Variants in EPHB1 observed in about 807,000 individuals in gnomAD.
EPHB1 encodes EPH receptor B1, also known as ephrin type-B receptor 1.
Under a neutral mutation model 94.4 loss-of-function variants are expected in EPHB1, and 30 were observed. The observed-to-expected ratio is 0.32, with a 90% CI of 0.24 to 0.43. The LOEUF (loss-of-function observed/expected upper bound fraction) is 0.43. Among genes scored for constraint, EPHB1 ranks in the 20% least tolerant of loss-of-function variants. The pLI is 1.00. For synonymous variants in EPHB1, 522 were observed against 489.1 expected (o/e 1.07, Z -0.89); for missense variants, 1,055 against 1,308.3 (o/e 0.81, Z 2.99).
intron 13 of EPHB1, among the ~76,000 whole-genome samples, chr3:135,244,179 A>C (rs1559888884): frequency 6.6e-6 from 1 of 152,138 alleles, no homozygotes; most frequent in African/African-American, 2.4e-5. Flanking sequence ...GAACCTGTGT[A>C]CCTACCATTT....
intron 5 of EPHB1, among the ~76,000 whole-genome samples, chr3:135,147,290 G>C (rs1272486813): frequency 6.6e-6 from 1 of 152,208 alleles, no homozygotes; most frequent in Non-Finnish European, 1.5e-5. Context: ...CTGTTCTAGA[G>C]AGAATAGAAG....
At chr3:134,866,023 T>C (rs2037369705) in intron 1 of EPHB1, among the ~76,000 whole-genome samples, 1 of 152,138 alleles carries the variant, frequency 6.6e-6, no homozygotes, top group Non-Finnish European at 1.5e-5. Flanking sequence ...GGGAAAGGAA[T>C]GGGGGTCACC....
At chr3:135,204,093 A>G (rs1438511461) in intron 12 of EPHB1, among the ~76,000 whole-genome samples, 3 of 152,244 alleles carry the variant, frequency 2.0e-5, no homozygotes, top group Non-Finnish European at 4.4e-5. Flanking sequence ...CATGCAATGC[A>G]TAATAATCAC....
intron 9 of EPHB1, among the ~76,000 whole-genome samples, chr3:135,173,183 C>T (rs926689211): frequency 3.3e-5 from 5 of 151,218 alleles, no homozygotes; most frequent in Admixed American, 1.3e-4. Context: ...TACAGGCGCG[C>T]GCCACTACGC....
Position 135,132,730 on chromosome 3 carries a change from C to T in EPHB1, c.978C>T (p.Pro326=), listed in dbSNP as rs2107687135. ...EVACTSVPSG[P]RNVISIVNET... ...TCCCTGCAGGCGTCCCATCAGGTCC[C>T]CGCAATGTTATCTCCATCGTCAATG... The change falls in exon 5 of 16, where the codon CCC becomes CCT. Residue 326 remains proline, a synonymous_variant. Transcript: ENST00000398015. 1.3e-6 allele frequency: 2 copies of T among 1,595,596 alleles called. No individual in the cohort carries two copies. The highest frequency in any genetic ancestry group is 1.7e-6 in the Non-Finnish European group (2 of 1,167,054).
intron 1 of EPHB1, among the ~76,000 whole-genome samples, chr3:134,823,404 C>T (rs1346630326): frequency 6.6e-6 from 1 of 152,178 alleles, no homozygotes; most frequent in Non-Finnish European, 1.5e-5. Context: ...CTAATGTCTG[C>T]CAGGGGTTGT....
intron 6 of EPHB1, among the ~76,000 whole-genome samples, chr3:135,156,815 G>A (rs1941370465): frequency 6.6e-6 from 1 of 152,216 alleles, no homozygotes; most frequent in Non-Finnish European, 1.5e-5. Flanking sequence ...AGTTAATGAA[G>A]TAAATGTTGA....
rs777130182 is a variant in EPHB1 at position 135,109,108 on chromosome 3, C to T, written c.961+2505C>T. Among the ~76,000 whole-genome samples the T allele has an allele frequency of 4.6e-5, 7 of 152,286 alleles. No individual in the cohort carries two copies. In the South Asian group the frequency reaches 8.3e-4, roughly 18 times the overall value. Reference sequence around the variant, plus strand: ...CTTGCTGTGCTTCTGCTGAAAAAGCCGCTGCCTTCCTCCCTGTAGTGCTCC... The same window carrying T: ...CTTGCTGTGCTTCTGCTGAAAAAGCTGCTGCCTTCCTCCCTGTAGTGCTCC... On this transcript the variant is annotated intron_variant, in intron 4 of 15. Coordinates refer to ENST00000398015, the MANE Select transcript of EPHB1 (RefSeq NM_004441.5).
At chr3:134,797,218 GT>G (rs1451725990) in intron 1 of EPHB1, among the ~76,000 whole-genome samples, 1 of 152,200 alleles carries the variant, frequency 6.6e-6, no homozygotes, top group Non-Finnish European at 1.5e-5. Context: ...GCAAGGAGGG[GT>G]TTGCTTTTTG....
intron 1 of EPHB1, among the ~76,000 whole-genome samples, chr3:134,905,865 G>A (rs2107691886): frequency 6.6e-6 from 1 of 152,298 alleles, no homozygotes; most frequent in Non-Finnish European, 1.5e-5. Context: ...GCATCTTGCT[G>A]TTGGCTTCCC....
At chr3:134,798,997 G>A (rs1193898943) in intron 1 of EPHB1, among the ~76,000 whole-genome samples, 3 of 152,214 alleles carry the variant, frequency 2.0e-5, no homozygotes, top group Non-Finnish European at 4.4e-5. Context: ...CTATAGTGAA[G>A]TCCTGGCCCT....
intron 1 of EPHB1, among the ~76,000 whole-genome samples, chr3:134,918,138 A>G (rs142003714): frequency 1.2e-4 from 19 of 152,390 alleles, no homozygotes; most frequent in Admixed American, 1.2e-3. Context: ...AAACTCAGAT[A>G]TATAAAGTGA....
chr3:135,038,381 A>G (rs900417062), intron 3 of EPHB1, among the ~76,000 whole-genome samples: 1 of 152,166 alleles, frequency 6.6e-6, no homozygotes, highest in African/African-American at 2.4e-5. Context: ...CTCTTTGGTC[A>G]GTTCGTGCCC....
At chr3:134,867,051 G>A (rs1473765653) in intron 1 of EPHB1, among the ~76,000 whole-genome samples, 2 of 152,154 alleles carry the variant, frequency 1.3e-5, no homozygotes, top group Middle Eastern at 3.2e-3. Context: ...CACTGAGAAC[G>A]GACAATATGT....
chr3:134,837,574 G>A (rs919425261), intron 1 of EPHB1, among the ~76,000 whole-genome samples: 1 of 152,318 alleles, frequency 6.6e-6, no homozygotes, highest in Middle Eastern at 3.4e-3. Flanking sequence ...AAGGGGTAGG[G>A]CTGGTGAGAC....
chr3:134,799,023 C>T (rs1444185437), intron 1 of EPHB1, among the ~76,000 whole-genome samples: 1 of 152,180 alleles, frequency 6.6e-6, no homozygotes, highest in East Asian at 1.9e-4. Flanking sequence ...CCTTGGATGT[C>T]CACATGTATT....
intron 1 of EPHB1, among the ~76,000 whole-genome samples, chr3:134,833,790 C>G (rs1345860961): frequency 6.6e-6 from 1 of 152,090 alleles, no homozygotes; most frequent in Non-Finnish European, 1.5e-5. Flanking sequence ...AGTAACCAGC[C>G]AACAGAAGGG....
At chr3:135,150,247 C>A (rs1426172940) in intron 5 of EPHB1, among the ~76,000 whole-genome samples, 1 of 152,198 alleles carries the variant, frequency 6.6e-6, no homozygotes. Context: ...TGACGTGATT[C>A]ACAACATGTA....
chr3:134,887,840 T>G (rs2037890510), intron 1 of EPHB1, among the ~76,000 whole-genome samples: 1 of 152,250 alleles, frequency 6.6e-6, no homozygotes, highest in Admixed American at 6.5e-5. Flanking sequence ...AAATGTCATT[T>G]AAGAGAAGAC....
Sources: gnomAD v4.1 joint callset for allele counts (sites outside exome capture counted in the v4.1 genomes callset) on GRCh38, gnomAD v4.1.1 for gene constraint, MANE v1.5 for transcripts, NCBI Gene and HGNC (gene_info 2026-07-23, HGNC 2026-07-21) for gene names.